The following DOCK3 variants were observed in gnomAD, a reference collection of about 807,000 sequenced individuals.
DOCK3 encodes dedicator of cytokinesis 3, also known as dedicator of cytokinesis protein 3.
In DOCK3, 60 loss-of-function variants were observed where a neutral mutation model predicts 265.6. The observed-to-expected ratio is 0.23, with a 90% confidence interval of 0.18 to 0.28. The LOEUF is 0.28. Ranked by LOEUF, DOCK3 falls within the 10% of genes least tolerant of loss-of-function variation. The pLI is 1.00. For missense variants in DOCK3, 1,981 were observed against 2,594.3 expected (o/e 0.76, Z 5.14); for synonymous variants, 881 against 938.0 (o/e 0.94, Z 1.11).
At chr3:50,792,370 G>A (rs75113951) in intron 2 of DOCK3, among the ~76,000 whole-genome samples, 6,263 of 152,114 alleles carry the variant, frequency 0.041, 414 homozygotes, top group African/African-American at 0.14. Flanking sequence ...ACACTGTGGG[G>A]TTTTGTAGGT....
chr3:50,852,647 TTCTC>T (rs1199457732), intron 3 of DOCK3, among the ~76,000 whole-genome samples: 2 of 152,164 alleles, frequency 1.3e-5, no homozygotes, highest in South Asian at 2.1e-4. Context: ...GGAATTTGTG[TTCTC>T]TCTTTTTCTT....
At chr3:50,735,729 T>G (rs1218813832) in intron 1 of DOCK3, among the ~76,000 whole-genome samples, 1 of 152,184 alleles carries the variant, frequency 6.6e-6, no homozygotes, top group East Asian at 1.9e-4. Context: ...TCTTATTATA[T>G]TAGCCTGTTC....
Position 51,068,232 on chromosome 3 carries a change from T to C in DOCK3, c.464+3636T>C, listed in dbSNP as rs551313914. Among the ~76,000 whole-genome samples the C allele has an allele frequency of 5.3e-4, 80 of 152,288 alleles. No individual in the cohort carries two copies. In the South Asian group the frequency reaches 8.5e-3, roughly 16 times the overall value. On this transcript the variant is annotated intron_variant, in intron 6 of 52. Transcript: ENST00000266037. Reference sequence around the variant, plus strand: ...AAGTACATGGTCTCACTTCATGCACTGTTGTAACGAAATGCTACTATGCCT... The same window carrying C: ...AAGTACATGGTCTCACTTCATGCACCGTTGTAACGAAATGCTACTATGCCT...
chr3:50,921,481 C>A (rs925907625), intron 4 of DOCK3, among the ~76,000 whole-genome samples: 1 of 152,122 alleles, frequency 6.6e-6, no homozygotes, highest in Non-Finnish European at 1.5e-5. Flanking sequence ...AGCTTCTTTG[C>A]GATGCGTTTG....
rs545614920 is a variant in DOCK3 at position 51,159,497 on chromosome 3, G to A, written c.889+193G>A. 2.0e-5 allele frequency among the ~76,000 whole-genome samples: 3 copies of A among 152,210 alleles called. No individual in the cohort carries two copies. The East Asian group carries it at 5.8e-4, about 29-fold the overall frequency. On this transcript the variant is annotated intron_variant, in intron 11 of 52. Coordinates refer to ENST00000266037, the MANE Select transcript of DOCK3 (RefSeq NM_004947.5). ...CTTGGTTTGATATAAATGGATTCGG[G>A]GGGGTGGGTTTTGTTTGTGTTTTTT...
chr3:50,954,256 C>A (rs2076671483), intron 5 of DOCK3, among the ~76,000 whole-genome samples: 1 of 152,048 alleles, frequency 6.6e-6, no homozygotes, highest in African/African-American at 2.4e-5. Flanking sequence ...CAGGGTTCAT[C>A]CATATGGGTT....
chr3:51,054,891 T>C (rs2081143188), intron 5 of DOCK3, among the ~76,000 whole-genome samples: 1 of 152,216 alleles, frequency 6.6e-6, no homozygotes. Flanking sequence ...AAATTTTCTT[T>C]TATTCTTGTC....
At chr3:51,266,987 A>ATCAAACAACC (rs2080211034) in intron 23 of DOCK3, among the ~76,000 whole-genome samples, 1 of 151,590 alleles carries the variant, frequency 6.6e-6, no homozygotes, top group Non-Finnish European at 1.5e-5. Context: ...ACAAGAAAAA[A>ATCAAACAACC]CCATCAAAAA....
At chr3:50,763,293 A>AT in intron 1 of DOCK3, among the ~76,000 whole-genome samples, 1 of 151,754 alleles carries the variant, frequency 6.6e-6, no homozygotes, top group East Asian at 1.9e-4. Context: ...TTTTATTTTT[A>AT]TTTTTGAGAT....
At chr3:51,234,748 A>G (rs529407339) in intron 19 of DOCK3, among the ~76,000 whole-genome samples, 4 of 152,164 alleles carry the variant, frequency 2.6e-5, no homozygotes, top group Admixed American at 2.0e-4. Flanking sequence ...CCTTTGTGAC[A>G]TTTCCTATCT....
chr3:51,379,748 C>T (rs1009379585), intron 51 of DOCK3, among the ~76,000 whole-genome samples: 11 of 152,226 alleles, frequency 7.2e-5, no homozygotes, highest in African/African-American at 2.2e-4. Flanking sequence ...GTGAGGTTTC[C>T]GAGTACAGCA....
intron 8 of DOCK3, among the ~76,000 whole-genome samples, chr3:51,089,672 G>A (rs1434426747): frequency 6.6e-6 from 1 of 152,090 alleles, no homozygotes; most frequent in Non-Finnish European, 1.5e-5. Context: ...ACATTGGGAG[G>A]CCAAGGCAGG....
intron 12 of DOCK3, among the ~76,000 whole-genome samples, chr3:51,171,424 T>C (rs4553999): frequency 1 from 152,134 of 152,264 alleles, 76,002 homozygotes; most frequent in Middle Eastern, 1. Flanking sequence ...TTTGTTAAGA[T>C]TTGTTTTGTG....
chr3:51,237,451 T>C (rs1246772647), intron 20 of DOCK3, 39 bp from the exon 21 acceptor site: 1 of 1,550,102 alleles, frequency 6.5e-7, no homozygotes, highest in South Asian at 1.1e-5. Context: ...ATCTGAGGCC[T>C]CCAGTGAACC....
chr3:50,743,305 C>G (rs1219415560), intron 1 of DOCK3, among the ~76,000 whole-genome samples: 1 of 152,094 alleles, frequency 6.6e-6, no homozygotes, highest in Non-Finnish European at 1.5e-5. Context: ...AAATAACCAG[C>G]TAACATCATC....
At chr3:51,326,641 G>A (rs1352021914) in intron 32 of DOCK3, among the ~76,000 whole-genome samples, 5 of 146,306 alleles carry the variant, frequency 3.4e-5, no homozygotes, top group Non-Finnish European at 7.5e-5. Context: ...GTTGTTTTGA[G>A]ATGGAGTTTC....
At chr3:51,369,122 TC>T in intron 49 of DOCK3, among the ~76,000 whole-genome samples, 1 of 152,258 alleles carries the variant, frequency 6.6e-6, no homozygotes, top group African/African-American at 2.4e-5. Flanking sequence ...ATTCTAAAAA[TC>T]AGAGCACTTC....
chr3:50,970,952 G>T, intron 5 of DOCK3, among the ~76,000 whole-genome samples: 1 of 38,126 alleles, frequency 2.6e-5, no homozygotes, highest in Non-Finnish European at 6.0e-5. Flanking sequence ...TATATAATGT[G>T]TGTGTGTGTG....
chr3:50,970,946 T>TATAA (rs2077208158), intron 5 of DOCK3, among the ~76,000 whole-genome samples: 2 of 71,302 alleles, frequency 2.8e-5, no homozygotes, highest in South Asian at 4.0e-4. Flanking sequence ...TATATATATA[T>TATAA]AATGTGTGTG....
Sources: allele counts gnomAD v4.1 joint callset (sites outside exome capture counted in the v4.1 genomes callset), GRCh38; gene constraint gnomAD v4.1.1; transcripts MANE v1.5; gene names NCBI Gene and HGNC (gene_info 2026-07-23, HGNC 2026-07-21).